Variants in ADGRF5 observed in about 807,000 individuals in gnomAD.
ADGRF5 encodes G-protein coupled receptor 116.
A neutral mutation model predicts 132.3 loss-of-function variants in ADGRF5; 75 were observed. That is an observed-to-expected ratio of 0.57 (90% CI 0.47 to 0.69). The LOEUF is 0.69. Ranked by LOEUF, ADGRF5 falls within the 30% of genes least tolerant of loss-of-function variation. The pLI, the probability that ADGRF5 is intolerant of heterozygous loss-of-function variation, is 0.00. For synonymous variants in ADGRF5, 629 were observed against 597.6 expected, an observed-to-expected ratio of 1.05 and a Z score of -0.77; for missense variants, 1,516 against 1,630.6, an observed-to-expected ratio of 0.93 and a Z score of 1.21.
At chr6:46,864,149 A>G (rs1254977099) in intron 14 of ADGRF5, among the ~76,000 whole-genome samples, 1 of 152,232 alleles carries the variant, frequency 6.6e-6, no homozygotes, top group Non-Finnish European at 1.5e-5. Context: ...TTGTCTTAAC[A>G]TAAGATTCTC....
chr6:46,916,563 A>T (rs1776432446), intron 1 of ADGRF5, among the ~76,000 whole-genome samples: 1 of 152,104 alleles, frequency 6.6e-6, no homozygotes, highest in Admixed American at 6.6e-5. Context: ...GGGCCACTAC[A>T]TTGGTTGGGA....
chr6:46,855,191 T>G (rs2150771155), intron 20 of ADGRF5, among the ~76,000 whole-genome samples: 1 of 152,338 alleles, frequency 6.6e-6, no homozygotes, highest in East Asian at 1.9e-4. Context: ...TGAATATTTT[T>G]TTTTCAGTGA....
intron 1 of ADGRF5, among the ~76,000 whole-genome samples, chr6:46,950,042 A>C (rs1778439450): frequency 6.6e-6 from 1 of 152,158 alleles, no homozygotes; most frequent in Non-Finnish European, 1.5e-5. Context: ...GCAGACCTTC[A>C]TTTGGTGGCT....
intron 9 of ADGRF5, among the ~76,000 whole-genome samples, chr6:46,878,914 C>T (rs1772128128): frequency 6.6e-6 from 1 of 152,098 alleles, no homozygotes; most frequent in African/African-American, 2.4e-5. Context: ...AGAATTAAGC[C>T]TTATGCTTGC....
chr6:46,901,916 T>C (rs999443933), intron 2 of ADGRF5, among the ~76,000 whole-genome samples: 2 of 152,198 alleles, frequency 1.3e-5, no homozygotes, highest in African/African-American at 4.8e-5. Context: ...ATGTAAGGTT[T>C]ACCTGTTCCC....
chr6:46,882,616 C>T (rs1387751927), intron 6 of ADGRF5, among the ~76,000 whole-genome samples: 1 of 152,176 alleles, frequency 6.6e-6, no homozygotes, highest in Non-Finnish European at 1.5e-5. Flanking sequence ...GTGAGGGGCA[C>T]CCTCATGGCT....
chr6:46,883,736 T>C, intron 5 of ADGRF5, 71 bp from the exon 6 acceptor site: 2 of 841,664 alleles, frequency 2.4e-6, no homozygotes, highest in Non-Finnish European at 3.8e-6. Flanking sequence ...GAAACATTTG[T>C]AAGCTGTTTT....
Position 46,865,034 on chromosome 6 carries a change from G to C in ADGRF5, c.1990+8C>G, listed in dbSNP as rs559616732. 6 of 1,580,624 alleles carry C rather than the reference G, an allele frequency of 3.8e-6. No homozygotes were observed. The highest frequency in any genetic ancestry group is 5.2e-6 in the Non-Finnish European group (6 of 1,157,368). ...ATAACATCTTAAAGTAATTTAAAAC[G>C]TTCTTACCAGGAACCAGATTCAGCT... On this transcript the variant is annotated splice_region_variant and intron_variant, in intron 14 of 20. Transcript: ENST00000283296.
In ADGRF5 at chr6:46,865,086, T is replaced by C; in HGVS notation, c.1946A>G (p.Asn649Ser). The C allele has an allele frequency of 1.2e-6, 2 of 1,610,690 alleles. No individual in the cohort carries two copies. Among genetic ancestry groups the C allele is most frequent in the Middle Eastern group, 1.6e-4 (1 of 6,062 alleles). Residue 649 changes from asparagine to serine, a missense_variant, in exon 14 of 21, where the codon AAT (asparagine) becomes AGT (serine). This residue lies in a region of ADGRF5 where 945 missense variants were observed against 929.4 expected (regional missense o/e 1.02). Coordinates refer to ENST00000283296, the MANE Select transcript of ADGRF5 (RefSeq NM_001098518.2). ...CATAGATGGGCTCCAGACTGAATTA[T>C]TAGCAGCATTGGTAAAGTGACAACA... ...DVCCHFTNAA[N>S]NSVWSPSMKL...
At chr6:46,940,581 C>T (rs1290919495) in intron 1 of ADGRF5, among the ~76,000 whole-genome samples, 3 of 152,200 alleles carry the variant, frequency 2.0e-5, no homozygotes, top group Non-Finnish European at 4.4e-5. Context: ...CCTGTAAAGA[C>T]TCAGATTCAG....
chr6:46,857,686 A>G (rs1769214907), intron 17 of ADGRF5, among the ~76,000 whole-genome samples: 1 of 152,236 alleles, frequency 6.6e-6, no homozygotes, highest in South Asian at 2.1e-4. Flanking sequence ...GCTATGTGGT[A>G]CATAGGATTT....
chr6:46,917,302 C>T (rs1444532898), intron 1 of ADGRF5, among the ~76,000 whole-genome samples: 1 of 152,218 alleles, frequency 6.6e-6, no homozygotes, highest in African/African-American at 2.4e-5. Flanking sequence ...TATCTTTCCA[C>T]TGCATGAACC....
chr6:46,872,939 A>C (rs1771248555), intron 10 of ADGRF5, among the ~76,000 whole-genome samples: 1 of 152,158 alleles, frequency 6.6e-6, no homozygotes, highest in Admixed American at 6.5e-5. Flanking sequence ...TCAACATGTA[A>C]CTAGCTTTTC....
At chr6:46,877,249 TTC>T (rs1256446390) in intron 10 of ADGRF5, among the ~76,000 whole-genome samples, 3 of 32,472 alleles carry the variant, frequency 9.2e-5, no homozygotes, top group Non-Finnish European at 1.7e-4. Flanking sequence ...CTTTCTTTCT[TTC>T]TTTCTTTCTT....
chr6:46,935,620 A>C (rs755709884), intron 1 of ADGRF5, among the ~76,000 whole-genome samples: 11 of 152,206 alleles, frequency 7.2e-5, no homozygotes, highest in Admixed American at 6.5e-5. Flanking sequence ...GGCCACGTGA[A>C]TCCGATTCAC....
intron 15 of ADGRF5, among the ~76,000 whole-genome samples, chr6:46,861,562 C>A (rs1288663579): frequency 6.6e-6 from 1 of 152,170 alleles, no homozygotes; most frequent in Non-Finnish European, 1.5e-5. Context: ...ATATAACATA[C>A]TTTCATTTGT....
At chr6:46,864,517 C>T (rs928879165) in intron 14 of ADGRF5, among the ~76,000 whole-genome samples, 9 of 146,214 alleles carry the variant, frequency 6.2e-5, no homozygotes, top group African/African-American at 2.4e-4. Flanking sequence ...TACTGTATTA[C>T]ATGTAATAAT....
At chr6:46,952,185 T>C (rs1388800707) in intron 1 of ADGRF5, among the ~76,000 whole-genome samples, 3 of 152,250 alleles carry the variant, frequency 2.0e-5, no homozygotes, top group Non-Finnish European at 4.4e-5. Context: ...TGTCTTTCTA[T>C]TGAACCACAC....
At chr6:46,921,278 A>G (rs1216879801) in intron 1 of ADGRF5, among the ~76,000 whole-genome samples, 1 of 152,214 alleles carries the variant, frequency 6.6e-6, no homozygotes, top group African/African-American at 2.4e-5. Flanking sequence ...TCCTCCTGCT[A>G]CTGGGATGCA....
Sources: gnomAD v4.1 joint callset for allele counts (sites outside exome capture counted in the v4.1 genomes callset) on GRCh38, gnomAD v4.1.1 for gene constraint, gnomAD v4.1.1 regional missense constraint, MANE v1.5 for transcripts, NCBI Gene and HGNC (gene_info 2026-07-23, HGNC 2026-07-21) for gene names.